FNDC3A: variants seen among roughly 807,000 people sequenced by gnomAD.
FNDC3A encodes the protein fibronectin type-III domain-containing protein 3A.
A neutral mutation model predicts 148.9 loss-of-function variants in FNDC3A; 32 were observed. That is an observed-to-expected ratio of 0.21 (90% confidence interval 0.16 to 0.29). The LOEUF (loss-of-function observed/expected upper bound fraction) is 0.29. FNDC3A is among the 10% of genes least tolerant of loss of function. FNDC3A has a pLI of 1.00. For synonymous variants in FNDC3A, 472 were observed against 473.6 expected, an observed-to-expected ratio of 1.00 and a Z score of 0.04; for missense variants, 1,191 against 1,452.8, an observed-to-expected ratio of 0.82 and a Z score of 2.93.
chr13:48,998,999 G>A (rs909893962), intron 1 of FNDC3A, among the ~76,000 whole-genome samples: 3 of 152,220 alleles, frequency 2.0e-5, no homozygotes, highest in African/African-American at 7.2e-5. Context: ...GAGGTCATCA[G>A]GGCTGCTACG....
chr13:49,113,476 TG>T (rs1425820302), intron 3 of FNDC3A, among the ~76,000 whole-genome samples: 1 of 152,118 alleles, frequency 6.6e-6, no homozygotes, highest in Admixed American at 6.6e-5. Context: ...AATCCGGATT[TG>T]TTGTGACCTC....
intron 10 of FNDC3A, 52 bp downstream of exon 10, chr13:49,168,803 C>A: frequency 1.3e-6 from 2 of 1,523,452 alleles, no homozygotes; most frequent in Non-Finnish European, 1.8e-6. Context: ...TCTTTGTTTC[C>A]CCTGGTAGTA....
chr13:49,064,836 C>G (rs1336080989), intron 2 of FNDC3A, among the ~76,000 whole-genome samples: 2 of 152,122 alleles, frequency 1.3e-5, no homozygotes, highest in Non-Finnish European at 2.9e-5. Context: ...TGGGAAAAAA[C>G]AGGTTGCAAG....
chr13:49,023,424 T>G (rs1352144162), intron 2 of FNDC3A, among the ~76,000 whole-genome samples: 2 of 151,524 alleles, frequency 1.3e-5, no homozygotes, highest in African/African-American at 2.4e-5. Context: ...TTGTAGCGTT[T>G]TTATACTATC....
At chr13:48,987,714 T>C (rs1951831094) in intron 1 of FNDC3A, among the ~76,000 whole-genome samples, 1 of 152,236 alleles carries the variant, frequency 6.6e-6, no homozygotes, top group South Asian at 2.1e-4. Context: ...GTGTAAATTA[T>C]TGATTTCTTT....
At chr13:49,159,066 T>G (rs1481456814) in intron 8 of FNDC3A, among the ~76,000 whole-genome samples, 2 of 152,218 alleles carry the variant, frequency 1.3e-5, no homozygotes, top group African/African-American at 4.8e-5. Flanking sequence ...CGCCTCCAGC[T>G]TTGTTCTTTT....
intron 2 of FNDC3A, among the ~76,000 whole-genome samples, chr13:49,013,576 A>G (rs1280041797): frequency 1.3e-5 from 2 of 151,750 alleles, no homozygotes; most frequent in South Asian, 2.1e-4. Context: ...GTATACATGT[A>G]CATGTGTATG....
intron 1 of FNDC3A, among the ~76,000 whole-genome samples, chr13:48,988,360 A>G (rs1951845198): frequency 6.6e-6 from 1 of 152,310 alleles, no homozygotes; most frequent in South Asian, 2.1e-4. Context: ...TACATCACTG[A>G]TGAAATGTCA....
chr13:49,173,749 A>G (rs1884882917), intron 11 of FNDC3A, among the ~76,000 whole-genome samples: 1 of 152,240 alleles, frequency 6.6e-6, no homozygotes, highest in Non-Finnish European at 1.5e-5. Flanking sequence ...AGTACAGTCT[A>G]CAGGTTTTCT....
In FNDC3A at chr13:49,198,117, A is replaced by G; in HGVS notation, c.2626A>G (p.Thr876Ala). Residue 876 changes from threonine to alanine, a missense_variant, in exon 22 of 26, where the codon ACA becomes GCA. This residue lies in a region of FNDC3A where 751 missense variants were observed against 944.0 expected (regional missense o/e 0.80). Transcript: ENST00000492622. ...AGAAAATCCCCATTATTCACCTTCT[A>G]CATGCCTTGCAATAAGCTGGGAAAA... ...EIENPHYSPSTCLAISWEKPC... is the reference protein window; with the variant it reads ...EIENPHYSPSACLAISWEKPC... The G allele has an allele frequency of 1.2e-6, 2 of 1,614,204 alleles. No homozygotes were observed. Among genetic ancestry groups the G allele is most frequent in the Non-Finnish European group, 8.5e-7 (1 of 1,180,034 alleles).
At chr13:49,047,529 G>T (rs544942393) in intron 2 of FNDC3A, among the ~76,000 whole-genome samples, 1 of 152,028 alleles carries the variant, frequency 6.6e-6, no homozygotes, top group South Asian at 2.1e-4. Context: ...GTTTTAATTC[G>T]CATTTCTCTG....
At chr13:49,164,165 A>G (rs1884324537) in intron 8 of FNDC3A, among the ~76,000 whole-genome samples, 1 of 152,066 alleles carries the variant, frequency 6.6e-6, no homozygotes, top group South Asian at 2.1e-4. Context: ...TGGGTATAAT[A>G]TCCTTGGCTG....
intron 2 of FNDC3A, among the ~76,000 whole-genome samples, chr13:49,043,604 TC>T (rs1395710434): frequency 2.0e-5 from 3 of 152,190 alleles, no homozygotes; most frequent in African/African-American, 7.2e-5. Flanking sequence ...TGGAATATGA[TC>T]CTTGTAATTT....
At chr13:49,150,684 C>T (rs888263290) in intron 8 of FNDC3A, among the ~76,000 whole-genome samples, 4 of 152,032 alleles carry the variant, frequency 2.6e-5, no homozygotes, top group Non-Finnish European at 5.9e-5. Flanking sequence ...CGGTGGCTTA[C>T]ACCTCTAATC....
rs950915829 is a variant in FNDC3A, at chr13:49,140,724, A to C, written c.819+1919A>C. On this transcript the variant is annotated intron_variant, in intron 7 of 25. Coordinates refer to ENST00000492622, the MANE Select transcript of FNDC3A (RefSeq NM_001079673.2). ...AAGCTGGAGATAGAATGGAAAGCAA[A>C]GGATAGACACGGGCTCTGCCACAAG... is the stretch of plus-strand genomic sequence containing the variant. Among the ~76,000 whole-genome samples the C allele has an allele frequency of 2.6e-5, 4 of 152,214 alleles. No homozygotes were observed. The South Asian group carries it at 8.3e-4, about 31-fold the overall frequency.
chr13:49,050,836 C>T (rs1455441990), intron 2 of FNDC3A, among the ~76,000 whole-genome samples: 2 of 152,106 alleles, frequency 1.3e-5, no homozygotes, highest in East Asian at 3.8e-4. Context: ...GTGTTAGGTG[C>T]ATATATATTT....
rs190273030 is a variant in FNDC3A, at chr13:49,037,939, G to A, written c.99+31650G>A. Among the ~76,000 whole-genome samples the A allele has an allele frequency of 2.8e-4, 42 of 152,320 alleles. No individual in the cohort carries two copies. In the East Asian group the frequency reaches 8.1e-3, roughly 29 times the overall value. On this transcript the variant is annotated intron_variant, in intron 2 of 25. Coordinates refer to ENST00000492622, the MANE Select transcript of FNDC3A (RefSeq NM_001079673.2). ...GTGCCTTCTTGGCACCCAGGTTCTT[G>A]TGCAGAGTCCAGGAAGAATAAGGAC...
chr13:49,087,576 G>A (rs1462107848), intron 3 of FNDC3A, among the ~76,000 whole-genome samples: 1 of 152,078 alleles, frequency 6.6e-6, no homozygotes, highest in African/African-American at 2.4e-5. Context: ...AAAATGGAAA[G>A]ATTAGATAAT....
chr13:49,158,966 T>A (rs1883907221), intron 8 of FNDC3A, among the ~76,000 whole-genome samples: 1 of 152,226 alleles, frequency 6.6e-6, no homozygotes, highest in Non-Finnish European at 1.5e-5. Flanking sequence ...TCTGTTCTGT[T>A]CCATTGGTCT....
Sources: allele counts gnomAD v4.1 joint callset (sites outside exome capture counted in the v4.1 genomes callset), GRCh38; gene constraint gnomAD v4.1.1; regional missense constraint gnomAD v4.1.1; transcripts MANE v1.5; gene names NCBI Gene and HGNC (gene_info 2026-07-23, HGNC 2026-07-21).